Variants in OR9Q1 observed in about 807,000 individuals in gnomAD.
OR9Q1 encodes olfactory receptor family 9 subfamily Q member 1, also known as olfactory receptor 9Q1.
For synonymous variants in OR9Q1, 153 were observed against 148.6 expected (o/e 1.03, Z -0.22); for missense variants, 374 against 378.8 (o/e 0.99, Z 0.11).
At chr11:58,165,214 C>T (rs955131401) in intron 2 of OR9Q1, among the ~76,000 whole-genome samples, 2 of 152,216 alleles carry the variant, frequency 1.3e-5, no homozygotes, top group African/African-American at 4.8e-5. Flanking sequence ...GACTAAATGA[C>T]AAGTGAGTGA....
chr11:58,102,041 C>T (rs865879817), intron 2 of OR9Q1, among the ~76,000 whole-genome samples: 28 of 152,236 alleles, frequency 1.8e-4, no homozygotes, highest in Admixed American at 4.6e-4. Context: ...CCACCACGCC[C>T]GGCCATCTTC....
At chr11:58,043,620 C>T (rs1450376174) in intron 1 of OR9Q1, among the ~76,000 whole-genome samples, 1 of 152,166 alleles carries the variant, frequency 6.6e-6, no homozygotes, top group Non-Finnish European at 1.5e-5. Flanking sequence ...ACTATAATAA[C>T]TTCCTCCTTG....
chr11:58,033,885 CTT>C (rs926924778), intron 1 of OR9Q1, among the ~76,000 whole-genome samples: 5 of 152,064 alleles, frequency 3.3e-5, no homozygotes, highest in African/African-American at 1.2e-4. Flanking sequence ...ACAAGAGAGA[CTT>C]AACTATAGTG....
At chr11:58,101,749 AT>A (rs965368069) in intron 2 of OR9Q1, among the ~76,000 whole-genome samples, 4 of 151,520 alleles carry the variant, frequency 2.6e-5, no homozygotes, top group South Asian at 2.1e-4. Context: ...ATCTTCCAAA[AT>A]TTTTTTTTCT....
chr11:58,034,773 C>T (rs60723570), intron 1 of OR9Q1, among the ~76,000 whole-genome samples: 1 of 102,576 alleles, frequency 9.7e-6, no homozygotes, highest in African/African-American at 3.7e-5. Context: ...CTTCCTTCTT[C>T]CTTCCCTCCC....
Position 58,180,459 on chromosome 11 carries a change from C to A in OR9Q1, c.*82C>A. 2.4e-6 allele frequency: 2 copies of A among 829,042 alleles called. No homozygotes were observed. The highest frequency in any genetic ancestry group is 4.1e-5 in the South Asian group (2 of 48,812). 51.4% of individuals were successfully genotyped at this position (829,042 alleles called of 1,614,324 possible). A position where few individuals can be genotyped will look rare whatever the true frequency, so the allele number is the denominator to read the frequency against. ...GGACGCTCATTATTTATAGCATGCT[C>A]AATGTTTAAATGAATATATTATGGT... On this transcript the variant is annotated 3_prime_UTR_variant, in exon 3 of 3. Transcript: ENST00000335397.
At chr11:58,087,698 A>C (rs1853646855) in intron 2 of OR9Q1, among the ~76,000 whole-genome samples, 1 of 151,596 alleles carries the variant, frequency 6.6e-6, no homozygotes, top group African/African-American at 2.4e-5. Context: ...TATTTGTCCT[A>C]ATGCTCTCCC....
intron 2 of OR9Q1, among the ~76,000 whole-genome samples, chr11:58,103,899 C>A (rs1853814773): frequency 6.6e-6 from 1 of 152,066 alleles, no homozygotes; most frequent in African/African-American, 2.4e-5. Flanking sequence ...GTGGGTTAGA[C>A]TTTGGGAATT....
chr11:58,132,258 T>C (rs1359071770), intron 2 of OR9Q1, among the ~76,000 whole-genome samples: 1 of 152,198 alleles, frequency 6.6e-6, no homozygotes, highest in Non-Finnish European at 1.5e-5. Context: ...ATTTTCTATA[T>C]GAAATAATTT....
At chr11:58,150,131 C>G (rs941370644) in intron 2 of OR9Q1, among the ~76,000 whole-genome samples, 1 of 152,130 alleles carries the variant, frequency 6.6e-6, no homozygotes, top group Non-Finnish European at 1.5e-5. Context: ...ACACTTGTTT[C>G]CCATTTTTTT....
chr11:58,160,437 ATTTG>A (rs894679566), intron 2 of OR9Q1, among the ~76,000 whole-genome samples: 8 of 111,558 alleles, frequency 7.2e-5, no homozygotes, highest in African/African-American at 2.0e-4. Flanking sequence ...TGAGTAGAAT[ATTTG>A]TTGTTGTTGT....
Position 58,179,731 on chromosome 11 carries a change from G to T in OR9Q1, c.287G>T (p.Arg96Leu), listed in dbSNP as rs767408943. ...CATGGGGCAGCTTTATCTTACACAC[G>T]CTGTGCTGCTCAGTTCTTTCTGTTC... ...LEHGAALSYT[R>L]CAAQFFLFTF... Residue 96 changes from arginine to leucine, a missense_variant, in exon 3 of 3, where the codon CGC (arginine) becomes CTC (leucine). Transcript: ENST00000335397. The T allele has an allele frequency of 2.5e-6, 4 of 1,614,046 alleles. No homozygotes were observed. The African/African-American group carries it at 4.0e-5, about 16-fold the overall frequency.
chr11:58,055,537 G>A (rs7119421), intron 1 of OR9Q1, among the ~76,000 whole-genome samples: 101,383 of 151,964 alleles, frequency 0.67, 34,251 homozygotes, highest in Middle Eastern at 0.79. Context: ...GGTGGCTTAC[G>A]TCTGTAATCC....
intron 2 of OR9Q1, among the ~76,000 whole-genome samples, chr11:58,100,670 G>A (rs546328134): frequency 6.6e-6 from 1 of 151,562 alleles, no homozygotes; most frequent in Non-Finnish European, 1.5e-5. Context: ...TGTGTCTACT[G>A]AAACTATTTC....
chr11:58,120,819 T>TAC (rs1475239386), intron 2 of OR9Q1, among the ~76,000 whole-genome samples: 2 of 148,028 alleles, frequency 1.4e-5, no homozygotes, highest in Non-Finnish European at 3.0e-5. Flanking sequence ...TATATATATA[T>TAC]ATATATATAC....
chr11:58,140,854 T>C (rs1854241019), intron 2 of OR9Q1, among the ~76,000 whole-genome samples: 1 of 152,242 alleles, frequency 6.6e-6, no homozygotes. Flanking sequence ...GGGGATGGCA[T>C]TGAATCTATA....
At chr11:58,103,516 A>G (rs1297315289) in intron 2 of OR9Q1, among the ~76,000 whole-genome samples, 3 of 152,130 alleles carry the variant, frequency 2.0e-5, no homozygotes, top group Non-Finnish European at 4.4e-5. Flanking sequence ...GTTGAATTAT[A>G]TATTTATATT....
chr11:58,093,150 A>G (rs1429238698), intron 2 of OR9Q1, among the ~76,000 whole-genome samples: 1 of 152,230 alleles, frequency 6.6e-6, no homozygotes, highest in African/African-American at 2.4e-5. Flanking sequence ...AATTATGCAT[A>G]CCACACTGAT....
intron 2 of OR9Q1, among the ~76,000 whole-genome samples, chr11:58,152,029 G>T (rs1256232328): frequency 1.3e-5 from 2 of 152,276 alleles, no homozygotes; most frequent in Middle Eastern, 3.4e-3. Flanking sequence ...AGCTCTGACA[G>T]GCCATGGGGA....
Sources: allele counts gnomAD v4.1 joint callset (sites outside exome capture counted in the v4.1 genomes callset), GRCh38; gene constraint gnomAD v4.1.1; transcripts MANE v1.5; gene names NCBI Gene and HGNC (gene_info 2026-07-23, HGNC 2026-07-21).